Variants in EFCAB6 observed in about 807,000 individuals in gnomAD.
The protein encoded by EFCAB6 is EF-hand calcium-binding domain-containing protein 6.
Under a neutral mutation model 169.8 loss-of-function variants are expected in EFCAB6, and 156 were observed. That is an observed-to-expected ratio of 0.92 (90% CI 0.81 to 1.05). EFCAB6 has a LOEUF of 1.05. Among genes scored for constraint, EFCAB6 ranks in the 50% least tolerant of loss-of-function variants. The pLI, the probability that EFCAB6 is intolerant of heterozygous loss-of-function variation, is 0.00. For synonymous variants in EFCAB6, 698 were observed against 676.4 expected, an observed-to-expected ratio of 1.03 and a Z score of -0.50; for missense variants, 1,800 against 1,829.1, an observed-to-expected ratio of 0.98 and a Z score of 0.29.
intron 26 of EFCAB6, among the ~76,000 whole-genome samples, chr22:43,568,392 G>C (rs1025314441): frequency 1.4e-4 from 22 of 152,158 alleles, no homozygotes; most frequent in African/African-American, 5.3e-4. Context: ...TTCTTGATAG[G>C]ATCATGACCT....
At chr22:43,660,781 C>A (rs1241685610) in intron 17 of EFCAB6, among the ~76,000 whole-genome samples, 2 of 152,156 alleles carry the variant, frequency 1.3e-5, no homozygotes, top group East Asian at 1.9e-4. Flanking sequence ...AGCTAGCCTG[C>A]ATGCATGAAG....
intron 10 of EFCAB6, among the ~76,000 whole-genome samples, chr22:43,688,976 A>C (rs1208012009): frequency 6.6e-6 from 1 of 152,202 alleles, no homozygotes; most frequent in Non-Finnish European, 1.5e-5. Context: ...CAGATAATAG[A>C]GGATAAAAGA....
intron 17 of EFCAB6, among the ~76,000 whole-genome samples, chr22:43,639,287 T>G (rs2055640745): frequency 6.6e-6 from 1 of 152,196 alleles, no homozygotes; most frequent in Admixed American, 6.5e-5. Flanking sequence ...CCTGAGAACT[T>G]CTTTTAGCCT....
intron 3 of EFCAB6, among the ~76,000 whole-genome samples, chr22:43,776,137 G>C (rs571516631): frequency 6.6e-6 from 1 of 152,372 alleles, no homozygotes; most frequent in South Asian, 2.1e-4. Flanking sequence ...ATGTCCATCT[G>C]AAAGTTGAAT....
Position 43,626,542 on chromosome 22 carries a change from G to A in EFCAB6, c.2370C>T (p.Gly790=), listed in dbSNP as rs759141556. The change falls in exon 20 of 32, where the codon GGC becomes GGT. Residue 790 remains glycine, a synonymous_variant. Transcript: ENST00000262726. Reference sequence around the variant, plus strand: ...AATTTAAAGTGACACTAAGTCTCAAGCCAAGAAGGCCAAGGAAGCGCTCAA... The same window carrying A: ...AATTTAAAGTGACACTAAGTCTCAAACCAAGAAGGCCAAGGAAGCGCTCAA... The part of the protein sequence containing the change: ...DEFERFLGLL[G]LRLSVTLNFR... The A allele has an allele frequency of 2.5e-6, 4 of 1,614,006 alleles. No homozygotes were observed. Among genetic ancestry groups the A allele is most frequent in the Non-Finnish European group, 3.4e-6 (4 of 1,180,044 alleles).
rs1438572755 is a variant in EFCAB6 at position 43,632,128 on chromosome 22, T to G, written c.2209A>C (p.Arg737=). The G allele has an allele frequency of 6.2e-7, 1 of 1,614,112 alleles. No homozygotes were observed. The highest frequency in any genetic ancestry group is 8.5e-7 in the Non-Finnish European group (1 of 1,179,980). ...TAEECLKLFP[R]RLKESFRDPY... ...ACCCGGAATGACTCCTTCAGCCTCC[T>G]AGGGAAAAGCTTCAGGCATTCTTCT... is the stretch of plus-strand genomic sequence containing the variant. Residue 737 remains arginine (R), a synonymous_variant, in exon 19 of 32, where the codon AGG becomes CGG. Transcript: ENST00000262726.
chr22:43,703,041 G>A (rs960984757), intron 10 of EFCAB6, among the ~76,000 whole-genome samples: 1 of 152,176 alleles, frequency 6.6e-6, no homozygotes, highest in Admixed American at 6.5e-5. Flanking sequence ...CTAGAGTAAA[G>A]TGTCAGCTCC....
intron 24 of EFCAB6, among the ~76,000 whole-genome samples, chr22:43,586,242 A>G (rs1346435259): frequency 6.6e-6 from 1 of 151,432 alleles, no homozygotes; most frequent in Admixed American, 6.6e-5. Flanking sequence ...ATACCCTTTT[A>G]TAAGTTTCCT....
At chr22:43,738,317 CACAT>C (rs749083433) in intron 6 of EFCAB6, among the ~76,000 whole-genome samples, 1 of 151,824 alleles carries the variant, frequency 6.6e-6, no homozygotes, top group Non-Finnish European at 1.5e-5. Context: ...CCGTCACTCA[CACAT>C]ATATATTCAC....
intron 22 of EFCAB6, among the ~76,000 whole-genome samples, chr22:43,606,972 C>T (rs1044077361): frequency 3.3e-5 from 5 of 152,050 alleles, no homozygotes; most frequent in African/African-American, 9.7e-5. Context: ...TTCGTCCTCT[C>T]CCCCCGGTGA....
intron 29 of EFCAB6, chr22:43,536,549 A>G (rs1466859885): frequency 2.0e-5 from 3 of 152,204 alleles, no homozygotes; most frequent in African/African-American, 7.2e-5. Context: ...TGAATAAACA[A>G]GATGTAACTG....
At chr22:43,600,649 T>G (rs200321429) in intron 22 of EFCAB6, among the ~76,000 whole-genome samples, 6 of 36,304 alleles carry the variant, frequency 1.7e-4, no homozygotes, top group Admixed American at 7.6e-4. Context: ...TTTAGCAGGG[T>G]TTTTTTTTTG....
At chr22:43,616,240 G>A (rs1384936372) in intron 20 of EFCAB6, among the ~76,000 whole-genome samples, 2 of 152,178 alleles carry the variant, frequency 1.3e-5, no homozygotes, top group Non-Finnish European at 2.9e-5. Context: ...TGTCTTGGGA[G>A]GAAAACAGCT....
At chr22:43,582,365 C>T (rs2050784789) in intron 24 of EFCAB6, among the ~76,000 whole-genome samples, 1 of 151,352 alleles carries the variant, frequency 6.6e-6, no homozygotes, top group African/African-American at 2.5e-5. Context: ...CACACACACA[C>T]ACATACACAC....
chr22:43,776,318 A>G (rs2061638163), intron 3 of EFCAB6, among the ~76,000 whole-genome samples: 1 of 152,242 alleles, frequency 6.6e-6, no homozygotes, highest in Admixed American at 6.5e-5. Context: ...GTCAACAACT[A>G]TCATATTTCA....
intron 28 of EFCAB6, among the ~76,000 whole-genome samples, chr22:43,539,866 C>T (rs1366288744): frequency 6.6e-6 from 1 of 152,232 alleles, no homozygotes; most frequent in African/African-American, 2.4e-5. Context: ...CTGCCTCTCG[C>T]TCCCTTTCCC....
rs1327662479 is a variant in EFCAB6 at position 43,795,825 on chromosome 22, C to G, written c.-8+13170G>C. Among the ~76,000 whole-genome samples, 2 of 45,572 alleles carry G rather than the reference C, an allele frequency of 4.4e-5. No individual in the cohort carries two copies. The highest frequency in any genetic ancestry group is 1.5e-4 in the African/African-American group (2 of 13,040). 29.9% of individuals were successfully genotyped at this position (45,572 alleles called of 152,430 possible). A position where few individuals can be genotyped will look rare whatever the true frequency, so the allele number is the denominator to read the frequency against. On this transcript the variant is annotated intron_variant, in intron 2 of 31. Coordinates refer to ENST00000262726, the MANE Select transcript of EFCAB6 (RefSeq NM_022785.4). This position sits in a 1 kb window ranked among gnomAD's most constrained non-coding sequence, Gnocchi z 4.2. Reference sequence around the variant, plus strand: ...CAGACAGCACTCGCCTCCCAACACACACACACACACACACACTACACACTC... The same window carrying G: ...CAGACAGCACTCGCCTCCCAACACAGACACACACACACACACTACACACTC...
intron 5 of EFCAB6, 71 bp from the exon 6 acceptor site, chr22:43,755,903 A>G: frequency 7.6e-7 from 1 of 1,322,422 alleles, no homozygotes; most frequent in South Asian, 1.5e-5. Flanking sequence ...ATATGCAGAG[A>G]TCAAAATTAC....
At chr22:43,709,616 A>G (rs1054404579) in intron 10 of EFCAB6, among the ~76,000 whole-genome samples, 1 of 152,244 alleles carries the variant, frequency 6.6e-6, no homozygotes, top group African/African-American at 2.4e-5. Context: ...CAAAAATGGA[A>G]GAGAATGTGG....
Sources: allele counts gnomAD v4.1 joint callset (sites outside exome capture counted in the v4.1 genomes callset), GRCh38; gene constraint gnomAD v4.1.1; non-coding constraint Gnocchi (gnomAD v3.1); transcripts MANE v1.5; gene names NCBI Gene and HGNC (gene_info 2026-07-23, HGNC 2026-07-21).